The following SMOC2 variants were observed in gnomAD, a reference collection of about 807,000 sequenced individuals.
The protein encoded by SMOC2 is SPARC related modular calcium binding 2.
A neutral mutation model predicts 61.4 loss-of-function variants in SMOC2; 39 were observed. The ratio of observed to expected loss-of-function variants is 0.64; its 90% CI spans 0.49 to 0.83. The LOEUF (loss-of-function observed/expected upper bound fraction) is 0.83. Ranked by LOEUF, SMOC2 falls within the 40% of genes least tolerant of loss-of-function variation. SMOC2 has a pLI of 0.00. For synonymous variants in SMOC2, 247 were observed against 239.9 expected (o/e 1.03, Z -0.27); for missense variants, 556 against 592.9 (o/e 0.94, Z 0.65).
intron 1 of SMOC2, among the ~76,000 whole-genome samples, chr6:168,495,943 C>A (rs981114434): frequency 1.3e-5 from 2 of 152,242 alleles, no homozygotes; most frequent in African/African-American, 4.8e-5. Flanking sequence ...GGCCTCAAAG[C>A]CTATGGGTGC....
chr6:168,516,120 A>G (rs2115059126), intron 2 of SMOC2, among the ~76,000 whole-genome samples: 1 of 152,214 alleles, frequency 6.6e-6, no homozygotes, highest in Admixed American at 6.5e-5. Context: ...TACTATTTGG[A>G]AACAATTCAA....
At chr6:168,487,936 G>C (rs980175852) in intron 1 of SMOC2, among the ~76,000 whole-genome samples, 7 of 152,174 alleles carry the variant, frequency 4.6e-5, no homozygotes, top group Non-Finnish European at 8.8e-5. Context: ...CAATCATTCT[G>C]ATTGGGGAAT....
chr6:168,598,362 T>C (rs918243265), intron 7 of SMOC2, among the ~76,000 whole-genome samples: 3 of 152,186 alleles, frequency 2.0e-5, no homozygotes, highest in Admixed American at 1.3e-4. Context: ...CCTCGGAGTC[T>C]AAACACGACC....
At chr6:168,488,147 C>G (rs955779496) in intron 1 of SMOC2, among the ~76,000 whole-genome samples, 2 of 152,192 alleles carry the variant, frequency 1.3e-5, no homozygotes, top group Non-Finnish European at 2.9e-5. Flanking sequence ...GGCCAGCAGT[C>G]CAAAATCTGG....
intron 7 of SMOC2, among the ~76,000 whole-genome samples, chr6:168,582,380 G>A (rs181979870): frequency 6.6e-6 from 1 of 152,328 alleles, no homozygotes; most frequent in East Asian, 1.9e-4. Flanking sequence ...GTGAGTGTGA[G>A]TGCGTGTGTG....
intron 1 of SMOC2, among the ~76,000 whole-genome samples, chr6:168,497,064 C>T (rs1290113620): frequency 4.6e-5 from 7 of 152,204 alleles, no homozygotes; most frequent in Non-Finnish European, 7.3e-5. Context: ...CCTCTCAAAG[C>T]CTGTGAGTGT....
intron 9 of SMOC2, among the ~76,000 whole-genome samples, chr6:168,648,956 C>T (rs1370130402): frequency 6.6e-6 from 1 of 152,190 alleles, no homozygotes; most frequent in Non-Finnish European, 1.5e-5. Context: ...TGGTCCACGC[C>T]AACGTGCCCT....
At chr6:168,621,471 T>TTAC (rs1786243780) in intron 9 of SMOC2, among the ~76,000 whole-genome samples, 1 of 152,254 alleles carries the variant, frequency 6.6e-6, no homozygotes, top group African/African-American at 2.4e-5. Flanking sequence ...CATGTTTTAT[T>TTAC]TACAATTTTG....
At chr6:168,481,554 A>T (rs919745964) in intron 1 of SMOC2, among the ~76,000 whole-genome samples, 6 of 152,126 alleles carry the variant, frequency 3.9e-5, no homozygotes, top group Non-Finnish European at 8.8e-5. Flanking sequence ...TAAATGTTTC[A>T]CTACAAATAG....
At chr6:168,443,300 T>C (rs1347444085) in intron 1 of SMOC2, among the ~76,000 whole-genome samples, 1 of 152,180 alleles carries the variant, frequency 6.6e-6, no homozygotes, top group Non-Finnish European at 1.5e-5. Context: ...CAGGTTTTCT[T>C]GTCTTCTCTC....
intron 1 of SMOC2, among the ~76,000 whole-genome samples, chr6:168,504,747 A>G (rs774749706): frequency 8.6e-5 from 13 of 151,862 alleles, no homozygotes; most frequent in Non-Finnish European, 1.3e-4. Context: ...TGCCCTCTGG[A>G]TTTTCAGCTT....
At chr6:168,491,738 CTTAA>C (rs149562725) in intron 1 of SMOC2, among the ~76,000 whole-genome samples, 8,773 of 152,162 alleles carry the variant, frequency 0.058, 345 homozygotes, top group Non-Finnish European at 0.089. Flanking sequence ...ATTGAGTTGA[CTTAA>C]TTGTGATTTT....
At chr6:168,607,997 G>A (rs891539333) in intron 8 of SMOC2, among the ~76,000 whole-genome samples, 160 bp from the exon 9 acceptor site, 1 of 152,228 alleles carries the variant, frequency 6.6e-6, no homozygotes, top group Admixed American at 6.5e-5. Flanking sequence ...TATCCACAAA[G>A]GTGACAGAAA....
chr6:168,499,671 T>C (rs1782679087), intron 1 of SMOC2, among the ~76,000 whole-genome samples: 1 of 152,254 alleles, frequency 6.6e-6, no homozygotes, highest in South Asian at 2.1e-4. Flanking sequence ...CCAGTGCGTA[T>C]ACTTTTATGT....
intron 1 of SMOC2, among the ~76,000 whole-genome samples, chr6:168,499,071 GTC>G (rs1583059295): frequency 7.5e-6 from 1 of 133,228 alleles, no homozygotes; most frequent in East Asian, 2.4e-4. Flanking sequence ...CCCATAGCCT[GTC>G]TACTACACAT....
At chr6:168,645,168 G>C (rs773026358) in intron 9 of SMOC2, among the ~76,000 whole-genome samples, 27 of 152,172 alleles carry the variant, frequency 1.8e-4, no homozygotes, top group Non-Finnish European at 1.2e-4. Flanking sequence ...CAGATTTCTG[G>C]AGAAGGAGAG....
intron 7 of SMOC2, among the ~76,000 whole-genome samples, chr6:168,589,861 T>C (rs112101252): frequency 2.5e-4 from 5 of 19,668 alleles, no homozygotes; most frequent in South Asian, 5.4e-3. Flanking sequence ...GGGCAGCCGG[T>C]CTGGTGGTGG....
At chr6:168,651,460 G>A (rs994810934) in intron 10 of SMOC2, among the ~76,000 whole-genome samples, 1 of 152,230 alleles carries the variant, frequency 6.6e-6, no homozygotes, top group African/African-American at 2.4e-5. Context: ...GTTTTACTGC[G>A]ATGGCATCTC....
intron 1 of SMOC2, among the ~76,000 whole-genome samples, chr6:168,443,182 G>A (rs1781255071): frequency 6.6e-6 from 1 of 152,186 alleles, no homozygotes. Context: ...AGTAGAGACT[G>A]CCATCTGCCT....
Sources: allele counts gnomAD v4.1 joint callset (sites outside exome capture counted in the v4.1 genomes callset), GRCh38; gene constraint gnomAD v4.1.1; transcripts MANE v1.5; gene names NCBI Gene and HGNC (gene_info 2026-07-23, HGNC 2026-07-21).